The following MRAP2 variants were observed in gnomAD, a reference collection of about 807,000 sequenced individuals.
MRAP2 encodes the protein melanocortin-2 receptor accessory protein 2.
In MRAP2, 20 loss-of-function variants were observed where a neutral mutation model predicts 17.4. The ratio of observed to expected loss-of-function variants is 1.15; its 90% CI spans 0.81 to 1.67. MRAP2 has a LOEUF of 1.67. Among genes scored for constraint, MRAP2 ranks in the 40% most tolerant of loss-of-function variants. MRAP2 has a pLI of 0.00. For missense variants in MRAP2, 238 were observed against 240.0 expected, an observed-to-expected ratio of 0.99 and a Z score of 0.05; for synonymous variants, 96 against 88.4, an observed-to-expected ratio of 1.09 and a Z score of -0.48.
At chr6:84,052,278 G>A (rs761778558) in intron 1 of MRAP2, among the ~76,000 whole-genome samples, 7 of 152,100 alleles carry the variant, frequency 4.6e-5, no homozygotes, top group Non-Finnish European at 8.8e-5. Context: ...AGCAGCTGCC[G>A]GCCTGTCAGC....
chr6:84,139,468 A>G, the MRAP2 span, among the ~76,000 whole-genome samples: 15 of 152,308 alleles, frequency 9.8e-5, no homozygotes, highest in Middle Eastern at 3.4e-3. Flanking sequence ...CTTTTGTTAC[A>G]GTGGCCTGTC....
At chr6:84,041,066 C>T (rs1175966341) in intron 1 of MRAP2, among the ~76,000 whole-genome samples, 1 of 152,154 alleles carries the variant, frequency 6.6e-6, no homozygotes, top group Non-Finnish European at 1.5e-5. Context: ...GGTTCAGGCC[C>T]CCCCTGCTGC....
rs753127007 is a variant in MRAP2 at position 84,089,166 on chromosome 6, T to A, written c.303T>A (p.Asp101Glu). The A allele has an allele frequency of 6.2e-7, 1 of 1,614,078 alleles. No homozygotes were observed. The highest frequency in any genetic ancestry group is 8.5e-7 in the Non-Finnish European group (1 of 1,180,036). The change falls in exon 4 of 4, where the codon GAT becomes GAA. Residue 101 changes from aspartate to glutamate, a missense_variant. By Grantham distance (45) the Asp-to-Glu change is conservative. Coordinates refer to ENST00000257776, the MANE Select transcript of MRAP2 (RefSeq NM_138409.4). Reference protein sequence around the residue: ...VSDFGRPLEPDKVFSRQGNEE... With the variant: ...VSDFGRPLEPEKVFSRQGNEE... ...ACTTTGGAAGACCTCTGGAGCCAGA[T>A]AAAGTATTTTCTCGCCAAGGCAACG... is the stretch of plus-strand genomic sequence containing the variant.
the MRAP2 span, among the ~76,000 whole-genome samples, chr6:84,145,528 G>C: frequency 1.3e-5 from 2 of 152,078 alleles, no homozygotes; most frequent in South Asian, 4.1e-4. Context: ...TTAGAAAACT[G>C]TAACACACCC....
the MRAP2 span, among the ~76,000 whole-genome samples, chr6:84,099,500 G>A: frequency 0.042 from 6,457 of 152,192 alleles, 198 homozygotes; most frequent in Admixed American, 0.086. Flanking sequence ...CCTAGTGGAA[G>A]GTGTTTGGGT....
chr6:84,123,617 T>G, the MRAP2 span, among the ~76,000 whole-genome samples: 1 of 151,968 alleles, frequency 6.6e-6, no homozygotes, highest in African/African-American at 2.4e-5. Context: ...TTAAAAGTAT[T>G]AAAATGCTAG....
the MRAP2 span, among the ~76,000 whole-genome samples, chr6:84,137,623 A>G: frequency 2.6e-5 from 4 of 152,158 alleles, no homozygotes; most frequent in Non-Finnish European, 4.4e-5. Flanking sequence ...ATAAGCAATA[A>G]TAGCATCAAT....
intron 1 of MRAP2, among the ~76,000 whole-genome samples, chr6:84,042,761 G>A (rs931779424): frequency 5.3e-5 from 8 of 152,204 alleles, no homozygotes; most frequent in African/African-American, 1.7e-4. Context: ...GGTGCAGTAG[G>A]TGGAGAAACC....
At chr6:84,133,063 A>G in the MRAP2 span, among the ~76,000 whole-genome samples, 2 of 152,024 alleles carry the variant, frequency 1.3e-5, no homozygotes. Context: ...TATGTTTGTT[A>G]GTTTTCCTTC....
intron 1 of MRAP2, among the ~76,000 whole-genome samples, chr6:84,048,976 G>C (rs2099489725): frequency 6.6e-6 from 1 of 151,990 alleles, no homozygotes; most frequent in African/African-American, 2.4e-5. Flanking sequence ...CGCATCTCAG[G>C]GCCATGCCTC....
At chr6:84,118,370 G>C in the MRAP2 span, among the ~76,000 whole-genome samples, 1 of 152,046 alleles carries the variant, frequency 6.6e-6, no homozygotes, top group Admixed American at 6.5e-5. Flanking sequence ...AACACCAAAG[G>C]TGGTGTCCCA....
chr6:84,099,819 A>G, the MRAP2 span, among the ~76,000 whole-genome samples: 1 of 152,200 alleles, frequency 6.6e-6, no homozygotes, highest in African/African-American at 2.4e-5. Context: ...TACTAATGCA[A>G]ATGGATTAAT....
chr6:84,060,212 C>T (rs1276908242), intron 2 of MRAP2, among the ~76,000 whole-genome samples: 2 of 152,200 alleles, frequency 1.3e-5, no homozygotes, highest in East Asian at 3.8e-4. Context: ...CATGAGGATT[C>T]TCAGATTTTA....
chr6:84,144,742 A>C, the MRAP2 span, among the ~76,000 whole-genome samples: 5 of 152,236 alleles, frequency 3.3e-5, no homozygotes, highest in South Asian at 1.0e-3. Context: ...CTGATGAAGA[A>C]TTCTTTTTAG....
chr6:84,132,995 C>T, the MRAP2 span, among the ~76,000 whole-genome samples: 1 of 152,104 alleles, frequency 6.6e-6, no homozygotes, highest in East Asian at 1.9e-4. Flanking sequence ...GTGGTTTTAT[C>T]TACCTTTGGT....
At chr6:84,080,844 A>T (rs2099498781) in intron 3 of MRAP2, among the ~76,000 whole-genome samples, 1 of 152,242 alleles carries the variant, frequency 6.6e-6, no homozygotes, top group African/African-American at 2.4e-5. Context: ...CAACCAATTA[A>T]TAAATCAAAT....
At chr6:84,052,894 C>A in intron 1 of MRAP2, 2 of 550,108 alleles carry the variant, frequency 3.6e-6, no homozygotes, top group Non-Finnish European at 4.6e-6. Flanking sequence ...TTTGGTAATG[C>A]CCTTTAGTAA....
At chr6:84,102,662 C>CTA in the MRAP2 span, among the ~76,000 whole-genome samples, 1 of 152,124 alleles carries the variant, frequency 6.6e-6, no homozygotes, top group Non-Finnish European at 1.5e-5. Context: ...TTTGCTATAA[C>CTA]TTGTTACAAC....
At chr6:84,055,514 T>C in intron 2 of MRAP2, 69 bp downstream of exon 2, 1 of 1,469,368 alleles carries the variant, frequency 6.8e-7, no homozygotes, top group South Asian at 1.2e-5. Flanking sequence ...TCCCCAAGGA[T>C]TACTTCTCCT....
Sources: gnomAD v4.1 joint callset for allele counts (sites outside exome capture counted in the v4.1 genomes callset) on GRCh38, gnomAD v4.1.1 for gene constraint, MANE v1.5 for transcripts, NCBI Gene and HGNC (gene_info 2026-07-23, HGNC 2026-07-21) for gene names.